Variants in ZRANB3 observed in about 807,000 individuals in gnomAD.
ZRANB3 encodes the protein zinc finger RANBP2-type containing 3.
A neutral mutation model predicts 133.8 loss-of-function variants in ZRANB3; 125 were observed. The ratio of observed to expected loss-of-function variants is 0.93; its 90% CI spans 0.81 to 1.08. ZRANB3 has a LOEUF of 1.08. Ranked by LOEUF, ZRANB3 falls within the 50% of genes least tolerant of loss-of-function variation. The pLI is 0.00. For missense variants in ZRANB3, 1,229 were observed against 1,275.5 expected, an observed-to-expected ratio of 0.96 and a Z score of 0.56; for synonymous variants, 387 against 432.7, an observed-to-expected ratio of 0.89 and a Z score of 1.31.
intron 8 of ZRANB3, among the ~76,000 whole-genome samples, chr2:135,304,376 T>C (rs1007283703): frequency 2.0e-5 from 3 of 152,244 alleles, no homozygotes; most frequent in African/African-American, 7.2e-5. Flanking sequence ...ATATTGTTCA[T>C]GTGATGATTT....
intron 3 of ZRANB3, among the ~76,000 whole-genome samples, chr2:135,357,022 T>C (rs1407501242): frequency 2.0e-5 from 3 of 152,180 alleles, no homozygotes; most frequent in Non-Finnish European, 4.4e-5. Context: ...TTTTACAATC[T>C]ATTACATTCT....
chr2:135,455,747 A>C (rs1486478618), intron 2 of ZRANB3, among the ~76,000 whole-genome samples: 1 of 151,122 alleles, frequency 6.6e-6, no homozygotes, highest in Non-Finnish European at 1.5e-5. Context: ...GCCCACTACC[A>C]CACCCAGCTA....
At chr2:135,337,959 T>C (rs895464984) in intron 6 of ZRANB3, among the ~76,000 whole-genome samples, 1 of 152,190 alleles carries the variant, frequency 6.6e-6, no homozygotes, top group Admixed American at 6.5e-5. Flanking sequence ...GGAAAGATTA[T>C]CCAAATCACT....
chr2:135,481,674 A>T (rs1691818561), intron 2 of ZRANB3, among the ~76,000 whole-genome samples: 2 of 150,476 alleles, frequency 1.3e-5, no homozygotes, highest in South Asian at 2.1e-4. Context: ...GGTGTTTTAG[A>T]CATGAAGTCC....
intron 3 of ZRANB3, among the ~76,000 whole-genome samples, chr2:135,354,997 C>T (rs1685367499): frequency 1.3e-5 from 2 of 151,652 alleles, no homozygotes; most frequent in Admixed American, 6.6e-5. Flanking sequence ...GCCCTGTTTA[C>T]CAGACTATAC....
chr2:135,306,942 T>C (rs1402494101), intron 8 of ZRANB3, among the ~76,000 whole-genome samples: 1 of 152,046 alleles, frequency 6.6e-6, no homozygotes, highest in East Asian at 1.9e-4. Flanking sequence ...GCCAGACTGG[T>C]CTCTAACTCC....
Position 135,504,401 on chromosome 2 carries a change from G to C in ZRANB3, c.89C>G (p.Pro30Arg). ...AAGTAGCTTTGCTCTTAGTCTGTCA[G>C]GCAAAAAATCCAGCAGATTATCAGA... Reference protein sequence around the residue: ...NESDNLLDFLPDRLRAKLLPF... With the variant: ...NESDNLLDFLRDRLRAKLLPF... Residue 30 changes from proline (P) to arginine (R), a missense_variant, in exon 2 of 21, where the codon CCT (proline) becomes CGT (arginine). Pro to Arg is a moderately radical substitution (Grantham distance 103). Transcript: ENST00000264159. 6.2e-7 allele frequency: 1 copy of C among 1,613,596 alleles called. No homozygotes were observed. The highest frequency in any genetic ancestry group is 8.5e-7 in the Non-Finnish European group (1 of 1,179,724).
chr2:135,218,289 T>C (rs111271489), intron 16 of ZRANB3, among the ~76,000 whole-genome samples: 5 of 152,116 alleles, frequency 3.3e-5, no homozygotes, highest in South Asian at 4.1e-4. Flanking sequence ...TAGTGCAACA[T>C]CTGAGAATTG....
Position 135,275,756 on chromosome 2 carries a change from C to A in ZRANB3, c.967-1G>T. 3 of 1,550,580 alleles carry A rather than the reference C, an allele frequency of 1.9e-6. No individual in the cohort carries two copies. Among genetic ancestry groups the A allele is most frequent in the Non-Finnish European group, 2.6e-6 (3 of 1,147,980 alleles). Reference sequence around the variant, plus strand: ...TAATATAATCCTTTACAGCACCTGCCTAAATATTAAAAGGTAAACCTTATT... The same window carrying A: ...TAATATAATCCTTTACAGCACCTGCATAAATATTAAAAGGTAAACCTTATT... On this transcript the variant is annotated splice_acceptor_variant, in intron 8 of 20. Coordinates refer to ENST00000264159, the MANE Select transcript of ZRANB3 (RefSeq NM_032143.4). LOFTEE classifies it high-confidence loss of function.
chr2:135,385,438 T>C (rs1014840922), intron 3 of ZRANB3, among the ~76,000 whole-genome samples: 19 of 152,174 alleles, frequency 1.2e-4, no homozygotes, highest in Non-Finnish European at 2.5e-4. Flanking sequence ...ATAGATTCAA[T>C]GCCACCCCCA....
chr2:135,286,352 A>G (rs1681364732), intron 8 of ZRANB3, among the ~76,000 whole-genome samples: 1 of 152,182 alleles, frequency 6.6e-6, no homozygotes, highest in Non-Finnish European at 1.5e-5. Context: ...ATCTCGGCTC[A>G]CAACAACCTC....
chr2:135,206,990 T>A (rs188023040), intron 19 of ZRANB3, among the ~76,000 whole-genome samples: 238 of 151,712 alleles, frequency 1.6e-3, no homozygotes, highest in Middle Eastern at 6.8e-3. Flanking sequence ...TATGGTGAAA[T>A]CCCGTCTCTA....
chr2:135,403,631 T>C (rs1279520581), intron 2 of ZRANB3, among the ~76,000 whole-genome samples: 1 of 152,120 alleles, frequency 6.6e-6, no homozygotes, highest in Non-Finnish European at 1.5e-5. Flanking sequence ...CAGCTGGAGA[T>C]CTGAGAACAG....
intron 2 of ZRANB3, among the ~76,000 whole-genome samples, chr2:135,484,708 A>G (rs1559030197): frequency 6.7e-6 from 1 of 150,236 alleles, no homozygotes; most frequent in Non-Finnish European, 1.5e-5. Context: ...ATATTTAATA[A>G]ATATTAATAA....
At chr2:135,514,317 T>G (rs1183076259) in intron 1 of ZRANB3, among the ~76,000 whole-genome samples, 1 of 152,226 alleles carries the variant, frequency 6.6e-6, no homozygotes, top group Non-Finnish European at 1.5e-5. Flanking sequence ...CTTATTTCCT[T>G]GAGCAGTGGT....
chr2:135,442,747 G>A (rs529315002), intron 2 of ZRANB3, among the ~76,000 whole-genome samples: 11 of 152,234 alleles, frequency 7.2e-5, no homozygotes, highest in Admixed American at 5.9e-4. Flanking sequence ...ACACGCAAAC[G>A]TATGTTTACT....
chr2:135,320,481 T>C (rs1683471657), intron 6 of ZRANB3, among the ~76,000 whole-genome samples: 1 of 152,180 alleles, frequency 6.6e-6, no homozygotes, highest in South Asian at 2.1e-4. Flanking sequence ...AACATGAACT[T>C]TCTTTTGAGC....
At chr2:135,280,589 TA>T (rs1573820491) in intron 8 of ZRANB3, among the ~76,000 whole-genome samples, 1 of 151,800 alleles carries the variant, frequency 6.6e-6, no homozygotes, top group East Asian at 1.9e-4. Flanking sequence ...ATAAATTAAA[TA>T]AAATACAACA....
chr2:135,274,635 T>A (rs1272260615), intron 9 of ZRANB3, among the ~76,000 whole-genome samples: 1 of 152,090 alleles, frequency 6.6e-6, no homozygotes, highest in Non-Finnish European at 1.5e-5. Flanking sequence ...TTTATTTATT[T>A]TTAGTATTTA....
Sources: gnomAD v4.1 joint callset for allele counts (sites outside exome capture counted in the v4.1 genomes callset) on GRCh38, gnomAD v4.1.1 for gene constraint, MANE v1.5 for transcripts, NCBI Gene and HGNC (gene_info 2026-07-23, HGNC 2026-07-21) for gene names.